The following GFOD2 variants were observed in gnomAD, a reference collection of about 807,000 sequenced individuals.
GFOD2 encodes Gfo/Idh/MocA-like oxidoreductase domain containing 2, also known as glucose-fructose oxidoreductase domain-containing protein 2.
A neutral mutation model predicts 24.6 loss-of-function variants in GFOD2; 9 were observed. The observed-to-expected ratio is 0.37, with a 90% CI of 0.22 to 0.64. The LOEUF is 0.64. Ranked by LOEUF, GFOD2 falls within the 30% of genes least tolerant of loss-of-function variation. The probability of loss-of-function intolerance (pLI) is 0.65; values close to 1 mark genes in which losing one functional copy is unlikely to be tolerated. For synonymous variants in GFOD2, 211 were observed against 224.8 expected, an observed-to-expected ratio of 0.94 and a Z score of 0.55; for missense variants, 476 against 532.5, an observed-to-expected ratio of 0.89 and a Z score of 1.04.
intron 1 of GFOD2, among the ~76,000 whole-genome samples, chr16:67,707,702 T>C (rs967138837): frequency 1.3e-5 from 2 of 152,200 alleles, no homozygotes; most frequent in Non-Finnish European, 2.9e-5. Context: ...ATGAATTTTT[T>C]TCTTTTTAAA....
chr16:67,681,611 T>G, intron 2 of GFOD2: 1 of 599,920 alleles, frequency 1.7e-6, no homozygotes, highest in Non-Finnish European at 2.1e-6. Flanking sequence ...GATTTCATCA[T>G]GTTGCTCAGG....
intron 1 of GFOD2, among the ~76,000 whole-genome samples, chr16:67,690,382 G>C (rs1056453696): frequency 1.3e-5 from 2 of 151,576 alleles, no homozygotes; most frequent in Non-Finnish European, 2.9e-5. Flanking sequence ...TGGATGTGAG[G>C]TGACCATTAT....
At chr16:67,689,602 C>T (rs961255930) in intron 1 of GFOD2, among the ~76,000 whole-genome samples, 2 of 151,898 alleles carry the variant, frequency 1.3e-5, no homozygotes, top group Non-Finnish European at 2.9e-5. Context: ...ACCCGGGAGG[C>T]GGAGGTTGCA....
intron 1 of GFOD2, among the ~76,000 whole-genome samples, chr16:67,693,222 G>A (rs760893307): frequency 1.7e-4 from 26 of 152,054 alleles, no homozygotes; most frequent in South Asian, 8.3e-4. Context: ...TATTTAGCCA[G>A]GACCACTTAT....
rs2053171167 is a variant in GFOD2 at position 67,674,906 on chromosome 16, TGAG to T, written c.*246_*248del. On this transcript the variant is annotated 3_prime_UTR_variant, in exon 3 of 3. Coordinates refer to ENST00000268797, the MANE Select transcript of GFOD2 (RefSeq NM_030819.4). ...CTGGTCCGACTCACTGGCATCACCA[TGAG>T]GAGGCCTGGCGGCAGCTCTGCCCTG... 1 of 497,520 alleles carries T rather than the reference TGAG, an allele frequency of 2.0e-6. No homozygotes were observed. The highest frequency in any genetic ancestry group is 3.6e-5 in the Admixed American group (1 of 27,778). The allele number at this position is 497,520 out of a possible 1,614,324, so 30.8% of individuals were successfully genotyped here. A position where few individuals can be genotyped will look rare whatever the true frequency, so the allele number is the denominator to read the frequency against.
chr16:67,685,216 T>C (rs1023066096), intron 2 of GFOD2: 2 of 1,418,878 alleles, frequency 1.4e-6, no homozygotes, highest in Non-Finnish European at 1.8e-6. Context: ...AGCCCCTTGA[T>C]GGCTGTCTCT....
chr16:67,711,785 T>G (rs1052923013), intron 1 of GFOD2, among the ~76,000 whole-genome samples: 1 of 152,188 alleles, frequency 6.6e-6, no homozygotes, highest in Non-Finnish European at 1.5e-5. Flanking sequence ...GAGTCTTCTT[T>G]TTCTCTCACA....
At chr16:67,694,256 A>G (rs2053340505) in intron 1 of GFOD2, among the ~76,000 whole-genome samples, 2 of 151,868 alleles carry the variant, frequency 1.3e-5, no homozygotes, top group South Asian at 2.1e-4. Context: ...CTGGGCCTCC[A>G]GAAGTGCTGG....
chr16:67,694,538 G>A (rs555689018), intron 1 of GFOD2, among the ~76,000 whole-genome samples: 2 of 152,140 alleles, frequency 1.3e-5, no homozygotes, highest in South Asian at 2.1e-4. Context: ...GGCTTCAAGT[G>A]ATCCTCCCAC....
chr16:67,696,033 C>T (rs1357157068), intron 1 of GFOD2, among the ~76,000 whole-genome samples: 2 of 145,664 alleles, frequency 1.4e-5, no homozygotes, highest in African/African-American at 2.5e-5. Flanking sequence ...TTTTTGAGAT[C>T]GAGTTTCGCT....
chr16:67,675,890 A>G lies in GFOD2; in HGVS notation c.423T>C (p.Tyr141=), dbSNP rs755282055. 6.2e-6 allele frequency: 10 copies of G among 1,614,014 alleles called. No homozygotes were observed. The African/African-American group carries it at 9.3e-5, about 15-fold the overall frequency. The change falls in exon 3 of 3, where the codon TAT becomes TAC. Residue 141 remains tyrosine (Y), a synonymous_variant. Coordinates refer to ENST00000268797, the MANE Select transcript of GFOD2 (RefSeq NM_030819.4). ...CATCACAGATCATCACCGCTCCCAC[A>G]TAGTGTTCCGAAATCAGCTGTTTCA... ...VRMKQLISEH[Y]VGAVMICDAR...
intron 2 of GFOD2, chr16:67,677,211 T>G (rs991115687): frequency 2.6e-5 from 4 of 152,000 alleles, no homozygotes; most frequent in Non-Finnish European, 5.9e-5. Flanking sequence ...CCTCCAAAAT[T>G]TTCTTTTTAA....
intron 1 of GFOD2, among the ~76,000 whole-genome samples, chr16:67,709,053 A>G (rs1224416655): frequency 1.3e-5 from 2 of 152,128 alleles, no homozygotes; most frequent in Non-Finnish European, 2.9e-5. Flanking sequence ...CTGTAATCCC[A>G]GGACTTTGGG....
chr16:67,712,912 T>C (rs1255482200), intron 1 of GFOD2, among the ~76,000 whole-genome samples: 1 of 117,458 alleles, frequency 8.5e-6, no homozygotes, highest in Non-Finnish European at 1.6e-5. Context: ...TCGTCTGAGA[T>C]GTGGGGAGCA....
chr16:67,716,054 A>G (rs1189673509), intron 1 of GFOD2, among the ~76,000 whole-genome samples: 2 of 152,210 alleles, frequency 1.3e-5, no homozygotes, highest in African/African-American at 2.4e-5. Context: ...GTGACTTTTC[A>G]GGCATCAGAA....
chr16:67,703,636 G>A, intron 1 of GFOD2, among the ~76,000 whole-genome samples: 1 of 152,168 alleles, frequency 6.6e-6, no homozygotes, highest in East Asian at 1.9e-4. Context: ...ATTTCTTGCA[G>A]ATTTTGACAC....
At position 67,675,768 on chromosome 16, in the gene GFOD2, A is replaced by G. The variant is rs751997221; in HGVS notation, c.545T>C (p.Ile182Thr). The G allele has an allele frequency of 4.3e-6, 7 of 1,614,026 alleles. No individual in the cohort carries two copies. Among genetic ancestry groups the G allele is most frequent in the South Asian group, 2.2e-5 (2 of 91,086 alleles). ...GGGLHTMGTYIVDLLTHLTGR... is the reference protein window; with the variant it reads ...GGGLHTMGTYTVDLLTHLTGR... ...GGTCAGGTGGGTCAGCAGGTCCACA[A>G]TGTAGGTCCCCATGGTGTGCAAGCC... The change falls in exon 3 of 3, where the codon ATT (isoleucine) becomes ACT (threonine). Residue 182 changes from isoleucine to threonine, a missense_variant. Coordinates refer to ENST00000268797, the MANE Select transcript of GFOD2 (RefSeq NM_030819.4).
chr16:67,715,807 C>A (rs1242312853), intron 1 of GFOD2, among the ~76,000 whole-genome samples: 1 of 151,760 alleles, frequency 6.6e-6, no homozygotes, highest in African/African-American at 2.4e-5. Context: ...TAGAATTGGA[C>A]CCCCTGTTAT....
intron 2 of GFOD2, 135 bp from the exon 3 acceptor site, chr16:67,676,188 G>A (rs1050652721): frequency 7.1e-6 from 6 of 843,814 alleles, no homozygotes; most frequent in Middle Eastern, 3.6e-4. Context: ...TGTAGAGGTG[G>A]GGTCTTGCTA....
Sources: allele counts gnomAD v4.1 joint callset (sites outside exome capture counted in the v4.1 genomes callset), GRCh38; gene constraint gnomAD v4.1.1; transcripts MANE v1.5; gene names NCBI Gene and HGNC (gene_info 2026-07-23, HGNC 2026-07-21).